Variants in ADGRV1 observed in about 807,000 individuals in gnomAD.
The protein encoded by ADGRV1 is adhesion G protein-coupled receptor V1, also known as G-protein coupled receptor 98.
ADGRV1 carries 359 observed loss-of-function variants against 596.2 expected under a neutral mutation model. That is an observed-to-expected ratio of 0.60 (90% CI 0.55 to 0.66). The LOEUF (loss-of-function observed/expected upper bound fraction) is 0.66. Ranked by LOEUF, ADGRV1 falls within the 30% of genes least tolerant of loss-of-function variation. ADGRV1 has a pLI of 0.00. For missense variants in ADGRV1, 7,274 were observed against 7,575.6 expected, an observed-to-expected ratio of 0.96 and a Z score of 1.48; for synonymous variants, 2,681 against 2,679.2, an observed-to-expected ratio of 1.00 and a Z score of -0.02.
intron 35 of ADGRV1, among the ~76,000 whole-genome samples, chr5:90,704,067 C>T (rs1748266153): frequency 6.6e-6 from 1 of 152,114 alleles, no homozygotes; most frequent in African/African-American, 2.4e-5. Flanking sequence ...CTTTTCTCTG[C>T]TCCAGTTTTT....
chr5:90,696,043 C>G (rs1004210239), intron 33 of ADGRV1, among the ~76,000 whole-genome samples: 5 of 152,126 alleles, frequency 3.3e-5, no homozygotes, highest in Admixed American at 6.6e-5. Flanking sequence ...AATGCAGACT[C>G]TCTTAAAGCA....
chr5:91,009,474 T>C (rs1782552921), intron 85 of ADGRV1, among the ~76,000 whole-genome samples: 1 of 152,130 alleles, frequency 6.6e-6, no homozygotes, highest in Admixed American at 6.6e-5. Context: ...TCCCATGAGA[T>C]GAAATTAGAT....
In ADGRV1 at chr5:90,755,110, TTATG is replaced by T. The variant is rs1337741087; in HGVS notation, c.11509_11512del (p.Val3837CysfsTer5). On this transcript the variant is annotated frameshift_variant, in exon 55 of 90. Coordinates refer to ENST00000405460, the MANE Select transcript of ADGRV1 (RefSeq NM_032119.4). LOFTEE classifies it high-confidence loss of function. ...ATAATCAAGCTACTGAGAATGAAGA[TTATG>T]TATTGCAAGAAACAATAATAATAAT... is the stretch of plus-strand genomic sequence containing the variant. 1 of 1,611,276 alleles carries T rather than the reference TTATG, an allele frequency of 6.2e-7. No individual in the cohort carries two copies. Among genetic ancestry groups the T allele is most frequent in the Non-Finnish European group, 8.5e-7 (1 of 1,177,960 alleles).
At chr5:91,116,455 C>A (rs1432884691) in intron 87 of ADGRV1, among the ~76,000 whole-genome samples, 1 of 152,184 alleles carries the variant, frequency 6.6e-6, no homozygotes, top group African/African-American at 2.4e-5. Context: ...ACATTAACTG[C>A]CTTTCTCTTG....
At chr5:90,791,549 A>G in intron 70 of ADGRV1, 1 of 546,880 alleles carries the variant, frequency 1.8e-6, no homozygotes, top group Non-Finnish European at 3.2e-6. Flanking sequence ...GAGATAATAG[A>G]TTTTTGTGTA....
chr5:90,754,213 A>G lies in ADGRV1; in HGVS notation c.11377+384A>G, dbSNP rs565729380. Among the ~76,000 whole-genome samples, 18 of 152,312 alleles carry G rather than the reference A, an allele frequency of 1.2e-4. No homozygotes were observed. The South Asian group carries it at 3.1e-3, about 26-fold the overall frequency. ...ATGAGCAACACAATGAAATGTGTACATGGCACTAAAGGTATTAATTGTTTA... is the reference window on the plus strand; with the variant it reads ...ATGAGCAACACAATGAAATGTGTACGTGGCACTAAAGGTATTAATTGTTTA... On this transcript the variant is annotated intron_variant, in intron 54 of 89. Coordinates refer to ENST00000405460, the MANE Select transcript of ADGRV1 (RefSeq NM_032119.4).
intron 17 of ADGRV1, among the ~76,000 whole-genome samples, 169 bp downstream of exon 17, chr5:90,647,933 G>C (rs771328080): frequency 1.6e-5 from 2 of 123,140 alleles, no homozygotes; most frequent in Admixed American, 1.8e-4. Flanking sequence ...GAATGTATGT[G>C]TTGAACCTTT....
chr5:90,649,490 A>AT (rs1216061027), intron 17 of ADGRV1, among the ~76,000 whole-genome samples: 6 of 150,244 alleles, frequency 4.0e-5, no homozygotes, highest in Admixed American at 6.6e-5. Flanking sequence ...GGGAACTGAC[A>AT]TTTTTTTTTC....
chr5:91,093,129 A>C (rs1343746196), intron 86 of ADGRV1, among the ~76,000 whole-genome samples: 1 of 152,240 alleles, frequency 6.6e-6, no homozygotes, highest in Non-Finnish European at 1.5e-5. Flanking sequence ...TTCTACAATT[A>C]TCCTTTATTT....
chr5:90,617,664 T>C (rs1467023168), intron 2 of ADGRV1, 140 bp from the exon 3 acceptor site: 3 of 642,598 alleles, frequency 4.7e-6, no homozygotes, highest in Non-Finnish European at 7.6e-6. Flanking sequence ...ATATTTATGA[T>C]TTTTGTTTTT....
intron 85 of ADGRV1, among the ~76,000 whole-genome samples, chr5:90,998,945 T>C (rs1387453182): frequency 6.6e-6 from 1 of 152,156 alleles, no homozygotes; most frequent in East Asian, 1.9e-4. Context: ...CATACTCTCA[T>C]TAATTCTTAT....
rs766272689 is a variant in ADGRV1 at position 90,729,627 on chromosome 5, A to G, written c.10427-15A>G. Reference sequence around the variant, plus strand: ...ACTTTTGCATTAAGATTTGACTTCTATTTCATTATTGCAGGAGATCAGAAT... The same window carrying G: ...ACTTTTGCATTAAGATTTGACTTCTGTTTCATTATTGCAGGAGATCAGAAT... On this transcript the variant is annotated splice_polypyrimidine_tract_variant and intron_variant, in intron 49 of 89. Coordinates refer to ENST00000405460, the MANE Select transcript of ADGRV1 (RefSeq NM_032119.4). The G allele has an allele frequency of 2.5e-6, 4 of 1,582,914 alleles. No individual in the cohort carries two copies. Among genetic ancestry groups the G allele is most frequent in the Admixed American group, 1.7e-5 (1 of 58,344 alleles).
chr5:90,691,015 G>A lies in ADGRV1; in HGVS notation c.6925G>A (p.Ala2309Thr), dbSNP rs201528839. The change falls in exon 31 of 90, where the codon GCT becomes ACT. Residue 2309 changes from alanine to threonine, a missense_variant. Coordinates refer to ENST00000405460, the MANE Select transcript of ADGRV1 (RefSeq NM_032119.4). ...TIQTLLLEVLADDVPEIEEVI... is the reference protein window; with the variant it reads ...TIQTLLLEVLTDDVPEIEEVI... ...TCAAACCTTGTTGTTAGAGGTCCTG[G>A]CTGACGACGTTCCGGAGATTGAAGA... The A allele has an allele frequency of 8.4e-5, 135 of 1,613,542 alleles. No individual in the cohort carries two copies. The highest frequency in any genetic ancestry group is 3.3e-4 in the Middle Eastern group (2 of 6,080).
At chr5:91,078,168 G>A (rs1398631920) in intron 86 of ADGRV1, among the ~76,000 whole-genome samples, 2 of 152,022 alleles carry the variant, frequency 1.3e-5, no homozygotes, top group African/African-American at 4.8e-5. Context: ...CAACCTTAGA[G>A]TGAACAACAA....
At chr5:90,768,578 A>G (rs1417062876) in intron 59 of ADGRV1, among the ~76,000 whole-genome samples, 1 of 152,192 alleles carries the variant, frequency 6.6e-6, no homozygotes, top group African/African-American at 2.4e-5. Flanking sequence ...CTTTCTCAAA[A>G]TGTAGCAGTG....
intron 9 of ADGRV1, among the ~76,000 whole-genome samples, chr5:90,633,749 G>T (rs1485413803): frequency 3.3e-5 from 5 of 151,878 alleles, no homozygotes; most frequent in Non-Finnish European, 7.4e-5. Context: ...TTTATTTTAT[G>T]TGGCTTCATC....
Position 91,072,723 on chromosome 5 carries a change from A to G in ADGRV1, c.18310+119A>G. 9 of 995,848 alleles carry G rather than the reference A, an allele frequency of 9.0e-6. 1 individual carries two copies. Among genetic ancestry groups the G allele is most frequent in the Middle Eastern group, 5.2e-4 (2 of 3,878 alleles). 61.7% of individuals were successfully genotyped at this position (995,848 alleles called of 1,614,324 possible). ...CGGCTCATCTTTCAGCTCTGAAGCC[A>G]CAAGTTAAGCTATAGCTCTCCAGTT... On this transcript the variant is annotated intron_variant, in intron 86 of 89. Coordinates refer to ENST00000405460, the MANE Select transcript of ADGRV1 (RefSeq NM_032119.4).
intron 25 of ADGRV1, among the ~76,000 whole-genome samples, chr5:90,678,365 G>C (rs545479304): frequency 6.6e-6 from 1 of 151,918 alleles, no homozygotes; most frequent in African/African-American, 2.4e-5. Context: ...TAAAATAATG[G>C]TTGGGGTACA....
chr5:90,829,027 A>G lies in ADGRV1; in HGVS notation c.16452A>G (p.Ala5484=). 1 of 1,612,532 alleles carries G rather than the reference A, an allele frequency of 6.2e-7. No individual in the cohort carries two copies. The highest frequency in any genetic ancestry group is 8.5e-7 in the Non-Finnish European group (1 of 1,179,000). ...GAAINNSARF[A]QIKILESDES... ...CAATAAACAACAGTGCCAGATTCGC[A>G]CAGATTAAAATCTTAGAAAGTGATG... is the stretch of plus-strand genomic sequence containing the variant. Residue 5484 remains alanine (A), a synonymous_variant, in exon 77 of 90, where the codon GCA becomes GCG. Coordinates refer to ENST00000405460, the MANE Select transcript of ADGRV1 (RefSeq NM_032119.4).
Sources: allele counts gnomAD v4.1 joint callset (sites outside exome capture counted in the v4.1 genomes callset), GRCh38; gene constraint gnomAD v4.1.1; transcripts MANE v1.5; gene names NCBI Gene and HGNC (gene_info 2026-07-23, HGNC 2026-07-21).